Variants in ZFP91 observed in about 807,000 individuals in gnomAD.
ZFP91 encodes the protein E3 ubiquitin-protein ligase ZFP91.
Under a neutral mutation model 63.5 loss-of-function variants are expected in ZFP91, and 7 were observed. The ratio of observed to expected loss-of-function variants is 0.11; its 90% CI spans 0.06 to 0.21. The LOEUF (loss-of-function observed/expected upper bound fraction) is 0.21, where lower values mean the gene tolerates loss of function less well. Among genes scored for constraint, ZFP91 ranks in the 10% least tolerant of loss-of-function variants. The probability of loss-of-function intolerance (pLI) is 1.00; values close to 1 mark genes in which losing one functional copy is unlikely to be tolerated. For synonymous variants in ZFP91, 330 were observed against 272.1 expected (o/e 1.21, Z -2.10); for missense variants, 628 against 736.6 (o/e 0.85, Z 1.71).
chr11:58,593,552 G>A (rs1855344995), intron 2 of ZFP91, among the ~76,000 whole-genome samples: 1 of 152,140 alleles, frequency 6.6e-6, no homozygotes, highest in Non-Finnish European at 1.5e-5. Flanking sequence ...GCCAGATGTT[G>A]GGGATAGCCA....
chr11:58,599,949 A>G (rs957378654), intron 2 of ZFP91, among the ~76,000 whole-genome samples: 11 of 152,080 alleles, frequency 7.2e-5, no homozygotes, highest in African/African-American at 2.7e-4. Flanking sequence ...GACTGTTTTC[A>G]CCTACTGAAT....
At chr11:58,583,399 A>G (rs11605269) in intron 1 of ZFP91, among the ~76,000 whole-genome samples, 30,167 of 151,958 alleles carry the variant, frequency 0.2, 3,209 homozygotes, top group Middle Eastern at 0.31. Flanking sequence ...TTTTTGGTAT[A>G]TTTTCTTGCT....
At chr11:58,602,159 G>A (rs1198657442) in intron 2 of ZFP91, among the ~76,000 whole-genome samples, 1 of 152,170 alleles carries the variant, frequency 6.6e-6, no homozygotes, top group Non-Finnish European at 1.5e-5. Context: ...CTGACCTCAG[G>A]TGATCTGCCT....
At chr11:58,603,072 A>G (rs1855517057) in intron 2 of ZFP91, among the ~76,000 whole-genome samples, 1 of 152,220 alleles carries the variant, frequency 6.6e-6, no homozygotes, top group African/African-American at 2.4e-5. Context: ...AGGCCTTAGA[A>G]GGAAATGATG....
intron 2 of ZFP91, among the ~76,000 whole-genome samples, chr11:58,608,224 T>C (rs1412743370): frequency 4.0e-5 from 6 of 151,858 alleles, no homozygotes; most frequent in East Asian, 2.0e-4. Flanking sequence ...ATCTCTCTCT[T>C]ACATATGTAC....
rs570605090 is a variant in ZFP91 at position 58,618,202 on chromosome 11, T to C, written c.*496T>C. 1 of 157,080 alleles carries C rather than the reference T, an allele frequency of 6.4e-6. No homozygotes were observed. The highest frequency in any genetic ancestry group is 1.4e-5 in the Non-Finnish European group (1 of 71,160). 9.7% of individuals were successfully genotyped at this position (157,080 alleles called of 1,614,324 possible). A position where few individuals can be genotyped will look rare whatever the true frequency, so the allele number is the denominator to read the frequency against. ...ATTCTAATCTCTGGAGGCTGGCAGC[T>C]TGACTTGGCACTTTAGGGCCCCTTA... On this transcript the variant is annotated 3_prime_UTR_variant, in exon 11 of 11. Transcript: ENST00000316059.
chr11:58,617,857 C>T lies in ZFP91; in HGVS notation c.*151C>T. 1.0e-6 allele frequency: 1 copy of T among 966,772 alleles called. No individual in the cohort carries two copies. Among genetic ancestry groups the T allele is most frequent in the Non-Finnish European group, 1.4e-6 (1 of 724,982 alleles). The allele number at this position is 966,772 out of a possible 1,614,324, so 59.9% of individuals were successfully genotyped here. A position where few individuals can be genotyped will look rare whatever the true frequency, so the allele number is the denominator to read the frequency against. Reference sequence around the variant, plus strand: ...GGATCACAGCACACACATACATACACCCTCCACCTCCCCATCCCCTGTTCT... The same window carrying T: ...GGATCACAGCACACACATACATACATCCTCCACCTCCCCATCCCCTGTTCT... On this transcript the variant is annotated 3_prime_UTR_variant, in exon 11 of 11. Transcript: ENST00000316059. This position sits in a 1 kb window ranked among gnomAD's most constrained non-coding sequence, Gnocchi z 4.2.
intron 1 of ZFP91, among the ~76,000 whole-genome samples, chr11:58,580,988 G>T (rs1855104055): frequency 6.6e-6 from 1 of 152,158 alleles, no homozygotes; most frequent in African/African-American, 2.4e-5. Flanking sequence ...ATTTGGATAT[G>T]AATTCCGTGA....
rs553174474 is a variant in ZFP91, at chr11:58,617,385, C to T, written c.1392C>T (p.Ala464=). 2.2e-4 allele frequency: 354 copies of T among 1,613,640 alleles called. 4 individuals carry two copies. In the South Asian group the frequency reaches 3.7e-3, roughly 17 times the overall value. Residue 464 remains alanine (A), a synonymous_variant, in exon 11 of 11, where the codon GCC becomes GCT. Coordinates refer to ENST00000316059, the MANE Select transcript of ZFP91 (RefSeq NM_053023.5). The surrounding 1 kb of genome is among the most constrained non-coding windows in gnomAD (Gnocchi z 4.2). ...TGCTGATTGCAGAAGCTCTGGCTGCCAATGCAGGCGCCCTCATCACCAGCA... is the reference window on the plus strand; with the variant it reads ...TGCTGATTGCAGAAGCTCTGGCTGCTAATGCAGGCGCCCTCATCACCAGCA... ...PEVLIAEALA[A]NAGALITSTD... is the part of the protein sequence containing the mutation.
At chr11:58,603,795 ACCCTTTTTCC>A (rs1318019395) in intron 2 of ZFP91, among the ~76,000 whole-genome samples, 1 of 152,138 alleles carries the variant, frequency 6.6e-6, no homozygotes, top group African/African-American at 2.4e-5. Flanking sequence ...GGGACCCCTG[ACCCTTTTTCC>A]CCCCTTCTAT....
At position 58,620,720 on chromosome 11, in the gene ZFP91, C is replaced by G. The variant is rs1855836053; in HGVS notation, c.*3014C>G. On this transcript the variant is annotated 3_prime_UTR_variant, in exon 11 of 11. Transcript: ENST00000316059. ...CCAATCTAACTAAGATTATTATAGT[C>G]TGGTTGTTTGAAATACCATTTTTTT... The G allele has an allele frequency of 6.6e-6, 1 of 152,630 alleles. No homozygotes were observed. The highest frequency in any genetic ancestry group is 2.1e-4 in the South Asian group (1 of 4,826). 9.5% of individuals were successfully genotyped at this position (152,630 alleles called of 1,614,324 possible).
At chr11:58,588,172 G>T (rs1399752416) in intron 2 of ZFP91, among the ~76,000 whole-genome samples, 2 of 151,448 alleles carry the variant, frequency 1.3e-5, no homozygotes, top group African/African-American at 4.8e-5. Flanking sequence ...TAAAACTCTG[G>T]ATCTCAACCT....
chr11:58,587,925 C>A (rs1417946690), intron 2 of ZFP91, among the ~76,000 whole-genome samples: 2 of 152,038 alleles, frequency 1.3e-5, no homozygotes, highest in African/African-American at 2.4e-5. Flanking sequence ...ATAATAAATA[C>A]TGTAGAATCA....
rs1279173832 is a variant in ZFP91 at position 58,612,719 on chromosome 11, C to T, written c.909-43C>T. 2.3e-5 allele frequency: 30 copies of T among 1,280,254 alleles called. No individual in the cohort carries two copies. In the East Asian group the frequency reaches 7.9e-4, roughly 34 times the overall value. 79.3% of individuals were successfully genotyped at this position (1,280,254 alleles called of 1,614,324 possible). ...TCAGAGGCCACTGTGCAGAGTACCA[C>T]TTTTTTTTTTTTGCTAACTTTTCTT... is the stretch of plus-strand genomic sequence containing the variant. On this transcript the variant is annotated intron_variant, in intron 7 of 10. Transcript: ENST00000316059.
chr11:58,591,032 TTTATTTTA>T (rs1565217156), intron 2 of ZFP91, among the ~76,000 whole-genome samples: 1 of 152,164 alleles, frequency 6.6e-6, no homozygotes, highest in Non-Finnish European at 1.5e-5. Flanking sequence ...CTCCCCCTTC[TTTATTTTA>T]TAAGTGGGTG....
At position 58,617,870 on chromosome 11, in the gene ZFP91, C is replaced by A. The variant is rs551295900; in HGVS notation, c.*164C>A. 1.3e-3 allele frequency: 1,189 copies of A among 887,316 alleles called. No homozygotes were observed. Among genetic ancestry groups the A allele is most frequent in the Non-Finnish European group, 1.6e-3 (1,058 of 660,570 alleles). 55.0% of individuals were successfully genotyped at this position (887,316 alleles called of 1,614,324 possible). Reference sequence around the variant, plus strand: ...CACATACATACACCCTCCACCTCCCCATCCCCTGTTCTCCCTCTGTTGCTC... The same window carrying A: ...CACATACATACACCCTCCACCTCCCAATCCCCTGTTCTCCCTCTGTTGCTC... On this transcript the variant is annotated 3_prime_UTR_variant, in exon 11 of 11. Coordinates refer to ENST00000316059, the MANE Select transcript of ZFP91 (RefSeq NM_053023.5). The surrounding 1 kb of genome is among the most constrained non-coding windows in gnomAD (Gnocchi z 4.2).
In ZFP91 at chr11:58,611,635, A is replaced by C; in HGVS notation, c.754A>C (p.Lys252Gln). ...ETPKPRRKSG[K>Q]VKEEKEKKEI... ...CCCAAAGCCACGGAGAAAATCAGGG[A>C]AGGTAAAAGAAGAGAAGGAGAAGAA... Residue 252 changes from lysine (K) to glutamine (Q), a missense_variant, in exon 6 of 11, where the codon AAG becomes CAG. Physicochemically the swap from Lys to Gln is moderately conservative, Grantham distance 53. Coordinates refer to ENST00000316059, the MANE Select transcript of ZFP91 (RefSeq NM_053023.5). 1 of 1,612,748 alleles carries C rather than the reference A, an allele frequency of 6.2e-7. No homozygotes were observed. The highest frequency in any genetic ancestry group is 8.5e-7 in the Non-Finnish European group (1 of 1,179,164).
At chr11:58,613,873 G>A (rs988506121) in intron 8 of ZFP91, among the ~76,000 whole-genome samples, 7 of 152,198 alleles carry the variant, frequency 4.6e-5, no homozygotes, top group South Asian at 4.2e-4. Context: ...AACAATAGCC[G>A]CTCCTCCTCT....
chr11:58,579,079 C>CGT lies in ZFP91; in HGVS notation c.-202_-201insTG, dbSNP rs1409422432. 4.1e-5 allele frequency: 16 copies of CGT among 385,738 alleles called. No homozygotes were observed. Among genetic ancestry groups the CGT allele is most frequent in the Non-Finnish European group, 4.4e-6 (1 of 225,666 alleles). 23.9% of individuals were successfully genotyped at this position (385,738 alleles called of 1,614,324 possible). Reference sequence around the variant, plus strand: ...TGAGCGTCTGTGGCGCGCGCGCGCGCGCCGCCAGCGGTAGCGGACCTTGAG... The same window carrying CGT: ...TGAGCGTCTGTGGCGCGCGCGCGCGCGTGCCGCCAGCGGTAGCGGACCTTGAG... On this transcript the variant is annotated 5_prime_UTR_variant, in exon 1 of 11. Transcript: ENST00000316059.
Sources: allele counts gnomAD v4.1 joint callset (sites outside exome capture counted in the v4.1 genomes callset), GRCh38; gene constraint gnomAD v4.1.1; non-coding constraint Gnocchi (gnomAD v3.1); transcripts MANE v1.5; gene names NCBI Gene and HGNC (gene_info 2026-07-23, HGNC 2026-07-21).